The following CHFR variants were observed in gnomAD, a reference collection of about 807,000 sequenced individuals.
CHFR encodes checkpoint with forkhead and ring finger domains.
CHFR carries 57 observed loss-of-function variants against 87.6 expected under a neutral mutation model. The ratio of observed to expected loss-of-function variants is 0.65; its 90% confidence interval spans 0.53 to 0.81. CHFR has a LOEUF of 0.81. Among genes scored for constraint, CHFR ranks in the 30% least tolerant of loss-of-function variants. The probability of loss-of-function intolerance (pLI) is 0.00; values close to 1 mark genes in which losing one functional copy is unlikely to be tolerated. For synonymous variants in CHFR, 381 were observed against 359.2 expected, an observed-to-expected ratio of 1.06 and a Z score of -0.69; for missense variants, 797 against 865.8, an observed-to-expected ratio of 0.92 and a Z score of 1.00.
intron 10 of CHFR, 162 bp from the exon 11 acceptor site, chr12:132,853,735 T>C (rs1430675849): frequency 1.9e-5 from 15 of 781,746 alleles, no homozygotes; most frequent in Non-Finnish European, 2.3e-5. Flanking sequence ...ACCCCAGTGT[T>C]AGAGAGGGAC....
At chr12:132,882,316 T>C (rs1951787945) in intron 2 of CHFR, among the ~76,000 whole-genome samples, 1 of 152,080 alleles carries the variant, frequency 6.6e-6, no homozygotes, top group African/African-American at 2.4e-5. Context: ...CACGACACGC[T>C]GGAAGCAGCA....
At chr12:132,842,123 A>G (rs1950715950) in intron 17 of CHFR, among the ~76,000 whole-genome samples, 1 of 151,954 alleles carries the variant, frequency 6.6e-6, no homozygotes, top group African/African-American at 2.4e-5. Context: ...AAAAAAAAAA[A>G]AAAAAGAAGT....
chr12:132,855,499 T>C (rs971098883), intron 10 of CHFR, among the ~76,000 whole-genome samples: 9 of 144,248 alleles, frequency 6.2e-5, no homozygotes, highest in Admixed American at 6.9e-5. Flanking sequence ...ACCCCATCTC[T>C]ACTAAAAATA....
chr12:132,847,684 G>T, intron 14 of CHFR: 1 of 1,099,764 alleles, frequency 9.1e-7, no homozygotes, highest in Non-Finnish European at 1.1e-6. Context: ...CCTAGAAACC[G>T]AGGTAGCTTC....
chr12:132,846,954 G>A (rs994458105), intron 15 of CHFR, 89 bp downstream of exon 15: 54 of 899,788 alleles, frequency 6.0e-5, no homozygotes, highest in Non-Finnish European at 9.4e-5. Flanking sequence ...GTGGGTGAAG[G>A]TCGGAGTTGT....
rs538772766 is a variant in CHFR, at chr12:132,860,685, T to C, written c.751+782A>G. On this transcript the variant is annotated intron_variant, in intron 7 of 17. Transcript: ENST00000450056. Reference sequence around the variant, plus strand: ...AAAGTGCAGACTTCTCCCTAAATCATCTTCAATGTGAAGATTTAAGCTACA... The same window carrying C: ...AAAGTGCAGACTTCTCCCTAAATCACCTTCAATGTGAAGATTTAAGCTACA... Among the ~76,000 whole-genome samples, 197 of 152,384 alleles carry C rather than the reference T, an allele frequency of 1.3e-3. 1 individual carries two copies. Among genetic ancestry groups the C allele is most frequent in the Non-Finnish European group, 2.2e-3 (150 of 68,046 alleles).
intron 2 of CHFR, among the ~76,000 whole-genome samples, chr12:132,886,958 G>A (rs559250795): frequency 6.6e-6 from 1 of 152,342 alleles, no homozygotes; most frequent in African/African-American, 2.4e-5. Context: ...TGACAATATT[G>A]CATTCTGGAG....
At chr12:132,884,450 TAAATA>T (rs1951841894) in intron 2 of CHFR, among the ~76,000 whole-genome samples, 1 of 150,982 alleles carries the variant, frequency 6.6e-6, no homozygotes, top group Non-Finnish European at 1.5e-5. Context: ...ATAAAATAAA[TAAATA>T]AAATAATCAA....
At chr12:132,877,085 G>A (rs564247535) in intron 3 of CHFR, among the ~76,000 whole-genome samples, 2 of 152,212 alleles carry the variant, frequency 1.3e-5, no homozygotes, top group African/African-American at 4.8e-5. Flanking sequence ...GTGAGCCACC[G>A]CGCCCGGGCT....
At chr12:132,841,672 A>C in intron 17 of CHFR, 76 bp from the exon 18 acceptor site, 1 of 1,200,416 alleles carries the variant, frequency 8.3e-7, no homozygotes, top group Non-Finnish European at 1.2e-6. Flanking sequence ...ACAGAGCATC[A>C]GAAAGGCATT....
intron 15 of CHFR, among the ~76,000 whole-genome samples, chr12:132,845,169 A>C (rs1284378152): frequency 6.6e-6 from 1 of 151,980 alleles, no homozygotes; most frequent in Non-Finnish European, 1.5e-5. Flanking sequence ...ATTAACAAAG[A>C]TATCGGCCAG....
At chr12:132,876,284 G>A (rs1390294036) in intron 3 of CHFR, among the ~76,000 whole-genome samples, 2 of 152,144 alleles carry the variant, frequency 1.3e-5, no homozygotes, top group Non-Finnish European at 2.9e-5. Flanking sequence ...CGTATGAATA[G>A]GATTTTGGAA....
In CHFR at chr12:132,848,785, C is replaced by A. The variant is rs1000752554; in HGVS notation, c.1493-61G>T. ...GCTGAGGGCTGTCTCCAACACAATTCGTCAGCACCAGGCTCAGGAGCTCAA... is the reference window on the plus strand; with the variant it reads ...GCTGAGGGCTGTCTCCAACACAATTAGTCAGCACCAGGCTCAGGAGCTCAA... On this transcript the variant is annotated intron_variant, in intron 12 of 17. Transcript: ENST00000450056. The A allele has an allele frequency of 6.4e-6, 8 of 1,258,070 alleles. No homozygotes were observed. The South Asian group carries it at 1.0e-4, about 16-fold the overall frequency. The allele number at this position is 1,258,070 out of a possible 1,614,324, so 77.9% of individuals were successfully genotyped here.
intron 15 of CHFR, among the ~76,000 whole-genome samples, chr12:132,844,342 T>A (rs961079276): frequency 3.3e-5 from 5 of 152,346 alleles, no homozygotes; most frequent in Non-Finnish European, 4.4e-5. Context: ...TGGAGTGCAG[T>A]GGTGCGATCT....
rs61952780 is a variant in CHFR, at chr12:132,835,536, C to G, written c.*6018G>C. The stretch of plus-strand genomic sequence containing the variant: ...CCTAATCCAATAGGACTGGTGTCCT[C>G]GCAGGAAGAGATTAGGGCACAAACA... On this transcript the variant is annotated 3_prime_UTR_variant, in exon 18 of 18. Coordinates refer to ENST00000450056, the MANE Select transcript of CHFR (RefSeq NM_001161346.2). 0.15 allele frequency: 24,707 copies of G among 163,086 alleles called. 2,335 individuals carry two copies. The highest frequency in any genetic ancestry group is 0.21 in the Admixed American group (3,561 of 17,014). The allele number at this position is 163,086 out of a possible 1,614,324, so 10.1% of individuals were successfully genotyped here.
intron 9 of CHFR, 49 bp downstream of exon 9, chr12:132,857,356 A>C (rs1460816864): frequency 6.4e-7 from 1 of 1,573,844 alleles, no homozygotes; most frequent in Non-Finnish European, 8.7e-7. Context: ...GTGGTGGTGG[A>C]GGGACCGCCC....
At chr12:132,871,269 C>T (rs10870530) in intron 4 of CHFR, among the ~76,000 whole-genome samples, 126,760 of 151,902 alleles carry the variant, frequency 0.83, 55,207 homozygotes, top group Non-Finnish European at 0.98. Flanking sequence ...CTGGCCAACA[C>T]GGCGAAACCC....
rs1395847162 is a variant in CHFR at position 132,835,114 on chromosome 12, A to T, written c.*6440T>A. ...ATCTCAAGGTCCTTAATTCCACCATATCTGCAAAGCCCCTTTTACGGTGCA... is the reference window on the plus strand; with the variant it reads ...ATCTCAAGGTCCTTAATTCCACCATTTCTGCAAAGCCCCTTTTACGGTGCA... On this transcript the variant is annotated 3_prime_UTR_variant, in exon 18 of 18. Coordinates refer to ENST00000450056, the MANE Select transcript of CHFR (RefSeq NM_001161346.2). 6.6e-6 allele frequency: 1 copy of T among 152,052 alleles called. No individual in the cohort carries two copies. Among genetic ancestry groups the T allele is most frequent in the Non-Finnish European group, 1.5e-5 (1 of 68,034 alleles). 9.4% of individuals were successfully genotyped at this position (152,052 alleles called of 1,614,324 possible).
chr12:132,852,239 C>T (rs1237968802), intron 11 of CHFR, among the ~76,000 whole-genome samples: 3 of 151,830 alleles, frequency 2.0e-5, no homozygotes, highest in Non-Finnish European at 2.9e-5. Flanking sequence ...CCGCCCGCCT[C>T]GGCCTCCCAA....
Sources: gnomAD v4.1 joint callset for allele counts (sites outside exome capture counted in the v4.1 genomes callset) on GRCh38, gnomAD v4.1.1 for gene constraint, MANE v1.5 for transcripts, NCBI Gene and HGNC (gene_info 2026-07-23, HGNC 2026-07-21) for gene names.